FAM53B: variants seen among roughly 807,000 people sequenced by gnomAD.
FAM53B encodes the protein protein FAM53B.
A neutral mutation model predicts 32.7 loss-of-function variants in FAM53B; 12 were observed. The observed-to-expected ratio is 0.37, with a 90% CI of 0.24 to 0.59. The LOEUF is 0.59. Ranked by LOEUF, FAM53B falls within the 20% of genes least tolerant of loss-of-function variation. FAM53B has a pLI of 0.72. For synonymous variants in FAM53B, 234 were observed against 228.7 expected, an observed-to-expected ratio of 1.02 and a Z score of -0.21; for missense variants, 477 against 577.7, an observed-to-expected ratio of 0.83 and a Z score of 1.79.
chr10:124,722,183 A>G (rs750811013), intron 1 of FAM53B, among the ~76,000 whole-genome samples: 3 of 152,220 alleles, frequency 2.0e-5, no homozygotes, highest in African/African-American at 7.2e-5. Context: ...GAAGAAAGAT[A>G]TTGAACACTC....
At chr10:124,639,746 G>A (rs1270896740) in intron 4 of FAM53B, among the ~76,000 whole-genome samples, 2 of 151,584 alleles carry the variant, frequency 1.3e-5, no homozygotes, top group Admixed American at 1.3e-4. Context: ...CAAACACAGC[G>A]CCCGCATCCC....
intron 4 of FAM53B, among the ~76,000 whole-genome samples, chr10:124,672,671 G>A (rs1949713582): frequency 6.6e-6 from 1 of 152,234 alleles, no homozygotes. Flanking sequence ...CCAGAGTTCA[G>A]AATGCGCAGC....
At chr10:124,724,467 C>T (rs1278071675) in intron 1 of FAM53B, among the ~76,000 whole-genome samples, 1 of 152,192 alleles carries the variant, frequency 6.6e-6, no homozygotes, top group Non-Finnish European at 1.5e-5. Flanking sequence ...TGCCTCCCAT[C>T]ACTCTGCTTC....
intron 4 of FAM53B, among the ~76,000 whole-genome samples, chr10:124,631,304 G>A (rs1176767572): frequency 6.6e-6 from 1 of 152,214 alleles, no homozygotes; most frequent in Non-Finnish European, 1.5e-5. Context: ...GGCCTCCGGA[G>A]GCTGAAGGAG....
intron 3 of FAM53B, among the ~76,000 whole-genome samples, chr10:124,690,963 TG>T (rs1949829184): frequency 6.6e-6 from 1 of 152,158 alleles, no homozygotes; most frequent in African/African-American, 2.4e-5. Flanking sequence ...GACCAAAAAT[TG>T]GGCCTGAGAA....
At chr10:124,633,825 C>G (rs1949408432) in intron 4 of FAM53B, among the ~76,000 whole-genome samples, 1 of 151,790 alleles carries the variant, frequency 6.6e-6, no homozygotes, top group African/African-American at 2.4e-5. Flanking sequence ...CATCAAAGTA[C>G]TAGAAGAAAA....
chr10:124,651,294 T>G lies in FAM53B; in HGVS notation c.907-27690A>C, dbSNP rs1949553713. On this transcript the variant is annotated intron_variant, in intron 4 of 4. Coordinates refer to ENST00000337318, the MANE Select transcript of FAM53B (RefSeq NM_014661.4). This position sits in a 1 kb window ranked among gnomAD's most constrained non-coding sequence, Gnocchi z 5.2. ...CCAGGGCCCTAACTCAGTTCCCTCG[T>G]GTTCCATTTCCCTCTGCACCTTCCC... Among the ~76,000 whole-genome samples the G allele has an allele frequency of 6.6e-6, 1 of 152,190 alleles. No homozygotes were observed. Among genetic ancestry groups the G allele is most frequent in the Admixed American group, 6.5e-5 (1 of 15,290 alleles).
intron 1 of FAM53B, among the ~76,000 whole-genome samples, chr10:124,741,748 G>A (rs193190578): frequency 7.2e-4 from 109 of 152,340 alleles, no homozygotes; most frequent in African/African-American, 2.5e-3. Flanking sequence ...TCAATTAAGC[G>A]TAACCACCAC....
At position 124,706,851 on chromosome 10, in the gene FAM53B, G is replaced by A. The variant is rs1949962668; in HGVS notation, c.-138C>T. 8.7e-6 allele frequency: 13 copies of A among 1,495,804 alleles called. No homozygotes were observed. The East Asian group carries it at 2.2e-4, about 25-fold the overall frequency. The allele number at this position is 1,495,804 out of a possible 1,614,324, so 92.7% of individuals were successfully genotyped here. A position where few individuals can be genotyped will look rare whatever the true frequency, so the allele number is the denominator to read the frequency against. On this transcript the variant is annotated 5_prime_UTR_variant, in exon 2 of 5. Transcript: ENST00000337318. ...CCATTGGCCACTCACCCTTGGGGTG[G>A]GGCCCTTCTGGGAAATGGCCAAATG...
intron 1 of FAM53B, among the ~76,000 whole-genome samples, chr10:124,727,100 C>T (rs367725355): frequency 2.6e-5 from 4 of 152,158 alleles, no homozygotes; most frequent in Non-Finnish European, 4.4e-5. Flanking sequence ...CTCACTGCAA[C>T]GTCCGCCTCC....
chr10:124,675,349 A>G (rs1013589232), intron 4 of FAM53B, among the ~76,000 whole-genome samples: 3 of 152,216 alleles, frequency 2.0e-5, no homozygotes, highest in Non-Finnish European at 4.4e-5. Context: ...TGATGCCAGC[A>G]TGCGCCACAG....
intron 1 of FAM53B, among the ~76,000 whole-genome samples, chr10:124,734,367 A>C (rs1950162383): frequency 6.6e-6 from 1 of 152,208 alleles, no homozygotes; most frequent in Non-Finnish European, 1.5e-5. Flanking sequence ...GGGGGCCACC[A>C]CCATGGCAGG....
chr10:124,709,670 C>T (rs1665052657), intron 1 of FAM53B, among the ~76,000 whole-genome samples: 3 of 152,166 alleles, frequency 2.0e-5, no homozygotes, highest in Admixed American at 2.0e-4. Flanking sequence ...TGGTTAAATA[C>T]ATTACGGTGT....
At chr10:124,667,924 A>G (rs1409714316) in intron 4 of FAM53B, among the ~76,000 whole-genome samples, 1 of 152,090 alleles carries the variant, frequency 6.6e-6, no homozygotes, top group Admixed American at 6.5e-5. Context: ...GGAGGAGGAC[A>G]CTGAGGCCCA....
chr10:124,739,173 A>G (rs1423191203), intron 1 of FAM53B, among the ~76,000 whole-genome samples: 1 of 152,254 alleles, frequency 6.6e-6, no homozygotes, highest in East Asian at 1.9e-4. Context: ...GCTTTGAGAT[A>G]AAACAGAACC....
chr10:124,620,360 C>CCG lies in FAM53B; in HGVS notation c.*2881_*2882insCG, dbSNP rs1044912093. The CCG allele has an allele frequency of 2.1e-5, 3 of 143,940 alleles. No homozygotes were observed. Among genetic ancestry groups the CCG allele is most frequent in the Non-Finnish European group, 4.6e-5 (3 of 65,572 alleles). The allele number at this position is 143,940 out of a possible 1,614,324, so 8.9% of individuals were successfully genotyped here. ...TGGGGTGCATGTGGCACTAAGCCCC[C>CCG]CCCACCGCCCCGGCTTTCCTGCAGG... On this transcript the variant is annotated 3_prime_UTR_variant, in exon 5 of 5. Transcript: ENST00000337318.
intron 1 of FAM53B, among the ~76,000 whole-genome samples, chr10:124,723,615 C>T (rs967811634): frequency 3.3e-5 from 5 of 152,232 alleles, no homozygotes; most frequent in African/African-American, 1.2e-4. Context: ...AGGGCCCTGC[C>T]CTAACAGCTT....
chr10:124,678,812 T>C (rs1030021016), intron 4 of FAM53B, among the ~76,000 whole-genome samples: 3 of 152,174 alleles, frequency 2.0e-5, no homozygotes, highest in South Asian at 2.1e-4. Context: ...TGCTGGCGGA[T>C]TGGAGGGGCT....
intron 1 of FAM53B, among the ~76,000 whole-genome samples, chr10:124,731,270 C>A (rs1351670796): frequency 1.3e-5 from 2 of 152,244 alleles, no homozygotes; most frequent in Non-Finnish European, 2.9e-5. Flanking sequence ...GGTGCTTGGA[C>A]TCGCACTATC....
Sources: allele counts gnomAD v4.1 joint callset (sites outside exome capture counted in the v4.1 genomes callset), GRCh38; gene constraint gnomAD v4.1.1; non-coding constraint Gnocchi (gnomAD v3.1); transcripts MANE v1.5; gene names NCBI Gene and HGNC (gene_info 2026-07-23, HGNC 2026-07-21).